Variants in SIRPD observed in about 807,000 individuals in gnomAD.
The protein encoded by SIRPD is signal-regulatory protein delta.
A neutral mutation model predicts 18.0 loss-of-function variants in SIRPD; 21 were observed. The ratio of observed to expected loss-of-function variants is 1.17; its 90% CI spans 0.83 to 1.68. The LOEUF (loss-of-function observed/expected upper bound fraction) is 1.68, where lower values mean the gene tolerates loss of function less well. Among genes scored for constraint, SIRPD ranks in the 40% most tolerant of loss-of-function variants. The probability of loss-of-function intolerance (pLI) is 0.00; values close to 1 mark genes in which losing one functional copy is unlikely to be tolerated. For missense variants in SIRPD, 295 were observed against 238.4 expected (o/e 1.24, Z -1.56); for synonymous variants, 106 against 92.9 (o/e 1.14, Z -0.81).
At position 1,534,408 on chromosome 20, in the gene SIRPD, T is replaced by G; in HGVS notation, c.*17A>C. On this transcript the variant is annotated 3_prime_UTR_variant, in exon 4 of 4. Transcript: ENST00000381623. ...GGGGCTTTTGTTATTTACTTGTACG[T>G]TCCTTCCCTGTTTGGATTATTTTGA... 6.2e-7 allele frequency: 1 copy of G among 1,612,394 alleles called. No individual in the cohort carries two copies. The highest frequency in any genetic ancestry group is 8.5e-7 in the Non-Finnish European group (1 of 1,179,732).
intron 1 of SIRPD, among the ~76,000 whole-genome samples, chr20:1,555,951 C>T (rs993085910): frequency 6.6e-6 from 1 of 152,190 alleles, no homozygotes; most frequent in Non-Finnish European, 1.5e-5. Context: ...TAAGTTCACT[C>T]AGGTTGTTGG....
intron 2 of SIRPD, among the ~76,000 whole-genome samples, chr20:1,545,442 C>T (rs758800003): frequency 3.9e-5 from 6 of 152,114 alleles, no homozygotes; most frequent in African/African-American, 1.2e-4. Flanking sequence ...ATGAAGTTCT[C>T]GTGTTGTGTT....
In SIRPD at chr20:1,543,567, A is replaced by T. The variant is rs1282903337; in HGVS notation, c.422-6257T>A. The stretch of plus-strand genomic sequence containing the variant: ...TCTGTTTTGTTAATGTTTTAAAAAA[A>T]ACAGCTCCTTGATTCACTGATTTTT... On this transcript the variant is annotated intron_variant, in intron 2 of 3. Transcript: ENST00000381623. Among the ~76,000 whole-genome samples the T allele has an allele frequency of 2.0e-5, 3 of 152,118 alleles. No individual in the cohort carries two copies. The East Asian group carries it at 5.8e-4, about 29-fold the overall frequency.
intron 2 of SIRPD, among the ~76,000 whole-genome samples, chr20:1,542,865 C>T (rs190681543): frequency 6.6e-6 from 1 of 152,098 alleles, no homozygotes; most frequent in South Asian, 2.1e-4. Context: ...TTATTGAAGG[C>T]CTTTTCTGCA....
At chr20:1,537,543 G>T (rs943326226) in intron 2 of SIRPD, among the ~76,000 whole-genome samples, 2 of 152,160 alleles carry the variant, frequency 1.3e-5, no homozygotes, top group African/African-American at 4.8e-5. Context: ...CAGGTGTGCT[G>T]GTGACCCTTC....
At chr20:1,553,667 A>G (rs2091028578) in intron 1 of SIRPD, among the ~76,000 whole-genome samples, 1 of 152,162 alleles carries the variant, frequency 6.6e-6, no homozygotes, top group Non-Finnish European at 1.5e-5. Flanking sequence ...TTGCATATCC[A>G]GTATCTTTTT....
chr20:1,546,520 T>C (rs555710235), intron 2 of SIRPD, among the ~76,000 whole-genome samples: 1 of 152,354 alleles, frequency 6.6e-6, no homozygotes, highest in Non-Finnish European at 1.5e-5. Flanking sequence ...GTTTCTACCT[T>C]TCAGATAGTG....
In SIRPD at chr20:1,535,985, C is replaced by T. The variant is rs146293507; in HGVS notation, c.577+1170G>A. Among the ~76,000 whole-genome samples the T allele has an allele frequency of 1.7e-3, 258 of 152,318 alleles. 1 individual carries two copies. Among genetic ancestry groups the T allele is most frequent in the Middle Eastern group, 6.8e-3 (2 of 294 alleles). ...CTGACAACCTGGTGATTCTAGGAAGCGCACACCATTGCTTGGCTTTCAGTT... is the reference window on the plus strand; with the variant it reads ...CTGACAACCTGGTGATTCTAGGAAGTGCACACCATTGCTTGGCTTTCAGTT... On this transcript the variant is annotated intron_variant, in intron 3 of 3. Coordinates refer to ENST00000381623, the MANE Select transcript of SIRPD (RefSeq NM_178460.3).
chr20:1,551,541 C>T, intron 2 of SIRPD, 150 bp downstream of exon 2: 1 of 673,298 alleles, frequency 1.5e-6, no homozygotes, highest in Non-Finnish European at 2.5e-6. Flanking sequence ...AAATACCTAA[C>T]TCACAGCTTG....
At chr20:1,555,992 G>T (rs113113410) in intron 1 of SIRPD, among the ~76,000 whole-genome samples, 5 of 152,314 alleles carry the variant, frequency 3.3e-5, no homozygotes, top group African/African-American at 1.2e-4. Flanking sequence ...TTGTAGGACT[G>T]AGGCCCTCAA....
rs559180067 is a variant in SIRPD at position 1,543,543 on chromosome 20, C to T, written c.422-6233G>A. Among the ~76,000 whole-genome samples the T allele has an allele frequency of 4.6e-5, 7 of 151,546 alleles. No individual in the cohort carries two copies. The South Asian group carries it at 1.2e-3, about 27-fold the overall frequency. ...TTTCTTCTTTATTAATCTACTCTAT[C>T]TGTTTTGTTAATGTTTTAAAAAAAA... On this transcript the variant is annotated intron_variant, in intron 2 of 3. Transcript: ENST00000381623.
At position 1,537,194 on chromosome 20, in the gene SIRPD, C is replaced by A. The variant is rs143061754; in HGVS notation, c.538G>T (p.Val180Phe). 6.2e-7 allele frequency: 1 copy of A among 1,614,082 alleles called. No individual in the cohort carries two copies. The highest frequency in any genetic ancestry group is 8.5e-7 in the Non-Finnish European group (1 of 1,179,996). ...AGCCGGAGGCAGCAGCAGGGTTGGA[C>A]GAAATAGTTTGTGCTGTTTCTCTCA... is the stretch of plus-strand genomic sequence containing the variant. ...LPERNSTNYF[V>F]QPCCCLRLLG... The change falls in exon 3 of 4, where the codon GTC (valine) becomes TTC (phenylalanine). Residue 180 changes from valine to phenylalanine, a missense_variant. Val to Phe is a conservative substitution (Grantham distance 50, BLOSUM62 -1). Transcript: ENST00000381623.
intron 1 of SIRPD, among the ~76,000 whole-genome samples, chr20:1,557,160 C>T (rs569774691): frequency 3.3e-5 from 5 of 151,856 alleles, no homozygotes; most frequent in South Asian, 2.1e-4. Context: ...GTTGGAGGCA[C>T]GAGAATCACT....
At chr20:1,557,439 G>A (rs2091046401) in intron 1 of SIRPD, 142 bp downstream of exon 1, 1 of 627,338 alleles carries the variant, frequency 1.6e-6, no homozygotes. Context: ...CCATCCCAGT[G>A]TAGTCTTCTG....
At position 1,534,364 on chromosome 20, in the gene SIRPD, A is replaced by C. The variant is rs1384699805; in HGVS notation, c.*61T>G. 5.0e-6 allele frequency: 8 copies of C among 1,603,504 alleles called. No individual in the cohort carries two copies. Among genetic ancestry groups the C allele is most frequent in the Non-Finnish European group, 6.8e-6 (8 of 1,176,424 alleles). On this transcript the variant is annotated 3_prime_UTR_variant, in exon 4 of 4. Coordinates refer to ENST00000381623, the MANE Select transcript of SIRPD (RefSeq NM_178460.3). ...AAACTCCTAAAAAGTAGCTGTCTCC[A>C]GGGAGTCAGAAGAGTATGGGGGCTT...
intron 2 of SIRPD, among the ~76,000 whole-genome samples, chr20:1,546,912 C>T (rs1482365765): frequency 2.0e-5 from 3 of 152,194 alleles, no homozygotes; most frequent in Non-Finnish European, 2.9e-5. Flanking sequence ...ATATTCTAAA[C>T]TCAAGGCCCT....
intron 2 of SIRPD, among the ~76,000 whole-genome samples, chr20:1,542,249 G>A (rs1302760815): frequency 2.6e-5 from 4 of 152,116 alleles, no homozygotes; most frequent in African/African-American, 9.7e-5. Flanking sequence ...CCATTTTCAC[G>A]ATATTGATTA....
At chr20:1,556,141 G>A (rs1027970243) in intron 1 of SIRPD, among the ~76,000 whole-genome samples, 10 of 152,186 alleles carry the variant, frequency 6.6e-5, no homozygotes, top group African/African-American at 2.2e-4. Flanking sequence ...ACATACTCAA[G>A]GGGGAGACAG....
At chr20:1,544,251 C>T (rs1234045551) in intron 2 of SIRPD, among the ~76,000 whole-genome samples, 1 of 152,128 alleles carries the variant, frequency 6.6e-6, no homozygotes, top group Non-Finnish European at 1.5e-5. Flanking sequence ...GTCTAAATGT[C>T]TTTGTAGGTC....
Sources: gnomAD v4.1 joint callset for allele counts (sites outside exome capture counted in the v4.1 genomes callset) on GRCh38, gnomAD v4.1.1 for gene constraint, MANE v1.5 for transcripts, NCBI Gene and HGNC (gene_info 2026-07-23, HGNC 2026-07-21) for gene names.